DOCK11: variants seen among roughly 807,000 people sequenced by gnomAD.
DOCK11 encodes dedicator of cytokinesis 11.
Under a neutral mutation model 169.1 loss-of-function variants are expected in DOCK11, and 70 were observed. That is an observed-to-expected ratio of 0.41 (90% CI 0.34 to 0.51). The LOEUF is 0.51. Among genes scored for constraint, DOCK11 ranks in the 20% least tolerant of loss-of-function variants. DOCK11 has a pLI of 0.10. For missense variants in DOCK11, 1,166 were observed against 1,538.8 expected, an observed-to-expected ratio of 0.76 and a Z score of 4.05; for synonymous variants, 529 against 541.3, an observed-to-expected ratio of 0.98 and a Z score of 0.32.
intron 44 of DOCK11, among the ~76,000 whole-genome samples, chrX:118,657,606 A>G (rs929508910): frequency 3.8e-4 from 42 of 111,993 alleles, no homozygotes; most frequent in African/African-American, 1.3e-3. Flanking sequence ...ACTTAGCTTC[A>G]GTGATCCAAA....
chrX:118,527,021 A>G (rs889113976), intron 1 of DOCK11, among the ~76,000 whole-genome samples: 2 of 112,236 alleles, frequency 1.8e-5, no homozygotes, highest in Admixed American at 9.4e-5. Context: ...AGGAGGCCAC[A>G]TAATCACTCC....
At chrX:118,563,937 A>G (rs563217776) in intron 7 of DOCK11, among the ~76,000 whole-genome samples, 2 of 111,662 alleles carry the variant, frequency 1.8e-5, no homozygotes, top group South Asian at 3.8e-4. Flanking sequence ...TTCTTGTCAC[A>G]TAACCAGGAA....
intron 12 of DOCK11, among the ~76,000 whole-genome samples, chrX:118,577,841 A>G (rs1255446265): frequency 8.9e-6 from 1 of 112,291 alleles, no homozygotes; most frequent in Non-Finnish European, 1.9e-5. Flanking sequence ...ACTTGAATTC[A>G]CTAGTGATGC....
At chrX:118,525,696 A>G (rs903870944) in intron 1 of DOCK11, among the ~76,000 whole-genome samples, 10 of 111,980 alleles carry the variant, frequency 8.9e-5, no homozygotes, top group Non-Finnish European at 1.9e-4. Context: ...TAAAATAGTT[A>G]AAATGGTAAA....
chrX:118,672,493 C>T (rs760080233), intron 46 of DOCK11, among the ~76,000 whole-genome samples: 10 of 112,791 alleles, frequency 8.9e-5, no homozygotes, highest in Non-Finnish European at 1.7e-4. Flanking sequence ...ACTGCAGTGG[C>T]GCTATCTCGG....
intron 44 of DOCK11, among the ~76,000 whole-genome samples, chrX:118,661,794 C>T (rs2016221453): frequency 8.9e-6 from 1 of 111,866 alleles, no homozygotes; most frequent in Non-Finnish European, 1.9e-5. Context: ...GTGGCCTTTA[C>T]ACCTCGACTG....
At chrX:118,639,138 T>G (rs776649002) in intron 37 of DOCK11, among the ~76,000 whole-genome samples, 1 of 112,150 alleles carries the variant, frequency 8.9e-6, no homozygotes, top group African/African-American at 3.2e-5. Context: ...TTCCCACTCT[T>G]GCCCTTCCTC....
chrX:118,644,447 G>A (rs936926811), intron 40 of DOCK11, among the ~76,000 whole-genome samples: 11 of 111,639 alleles, frequency 9.9e-5, no homozygotes, highest in Non-Finnish European at 1.5e-4. Context: ...ATTAATCTAT[G>A]GGAAGCCAAG....
intron 48 of DOCK11, among the ~76,000 whole-genome samples, chrX:118,677,804 T>C (rs2016645729): frequency 8.9e-6 from 1 of 112,511 alleles, no homozygotes; most frequent in Admixed American, 9.4e-5. Context: ...TGTTGTTTCG[T>C]TGAATTGAGA....
chrX:118,632,444 G>T (rs1474842048), intron 35 of DOCK11: 1 of 111,947 alleles, frequency 8.9e-6, no homozygotes, highest in African/African-American at 3.3e-5. Context: ...TGTCACATCT[G>T]TTTATCTTTT....
chrX:118,654,493 A>G, intron 42 of DOCK11, 109 bp from the exon 43 acceptor site: 1 of 697,890 alleles, frequency 1.4e-6, no homozygotes, highest in Non-Finnish European at 2.2e-6. Context: ...TGCAATACCA[A>G]GAACTGTAAC....
At chrX:118,584,142 A>G (rs953249653) in intron 14 of DOCK11, among the ~76,000 whole-genome samples, 1 of 111,920 alleles carries the variant, frequency 8.9e-6, no homozygotes, top group Non-Finnish European at 1.9e-5. Flanking sequence ...TCACGTAACC[A>G]CCACCCCAAC....
chrX:118,596,412 G>A (rs2014168543), intron 20 of DOCK11, among the ~76,000 whole-genome samples: 2 of 112,210 alleles, frequency 1.8e-5, no homozygotes, highest in South Asian at 7.3e-4. Context: ...ACACATAAAT[G>A]AAAACATTCT....
At chrX:118,665,584 T>C (rs2016320751) in intron 45 of DOCK11, among the ~76,000 whole-genome samples, 1 of 112,590 alleles carries the variant, frequency 8.9e-6, no homozygotes, top group Admixed American at 9.4e-5. Context: ...ATTAGTTTTC[T>C]GTATAAACAC....
intron 1 of DOCK11, among the ~76,000 whole-genome samples, chrX:118,521,346 T>C (rs757871727): frequency 8.9e-6 from 1 of 112,373 alleles, no homozygotes; most frequent in Non-Finnish European, 1.9e-5. Context: ...AAAGGGATAA[T>C]CCATGGTCAA....
At position 118,591,909 on chromosome X, in the gene DOCK11, T is replaced by A. The variant is rs1414845829; in HGVS notation, c.2140-1305T>A. Reference sequence around the variant, plus strand: ...TTGGTTTTTTGTCCTTGCAATAGTTTGCTGAGAATGATGGTTTCCAGCTTC... The same window carrying A: ...TTGGTTTTTTGTCCTTGCAATAGTTAGCTGAGAATGATGGTTTCCAGCTTC... On this transcript the variant is annotated intron_variant, in intron 19 of 52. Coordinates refer to ENST00000276202, the MANE Select transcript of DOCK11 (RefSeq NM_144658.4). 3.0e-5 allele frequency among the ~76,000 whole-genome samples: 3 copies of A among 100,554 alleles called. No individual in the cohort carries two copies. The East Asian group carries it at 1.0e-3, about 35-fold the overall frequency. The allele number at this position is 100,554 out of a possible 115,157, so 87.3% of individuals were successfully genotyped here.
intron 22 of DOCK11, 34 bp downstream of exon 22, chrX:118,598,150 A>G: frequency 1.9e-6 from 2 of 1,056,756 alleles, no homozygotes. Context: ...GTCAATTTTT[A>G]TACTTGAGTT....
At chrX:118,647,636 AATATATTATATGTTT>A (rs2015734501) in intron 40 of DOCK11, among the ~76,000 whole-genome samples, 2 of 61,843 alleles carry the variant, frequency 3.2e-5, no homozygotes, top group Non-Finnish European at 5.4e-5. Flanking sequence ...ATTATATGTT[AATATATTATATGTTT>A]ATATATTATA....
rs745627350 is a variant in DOCK11 at position 118,636,366 on chromosome X, A to T, written c.3907A>T (p.Asn1303Tyr). 3 of 1,102,589 alleles carry T rather than the reference A, an allele frequency of 2.7e-6. No individual in the cohort carries two copies. 90.9% of individuals were successfully genotyped at this position (1,102,589 alleles called of 1,213,427 possible). A position where few individuals can be genotyped will look rare whatever the true frequency, so the allele number is the denominator to read the frequency against. ...ISEDTLLTYW[N>Y]KVSPQELINI... ...TTCAGATACTCTCTTAACTTACTGG[A>T]ATAAAGTATCACCTCAGGAGCTCAT... is the stretch of plus-strand genomic sequence containing the variant. The change falls in exon 36 of 53, where the codon AAT becomes TAT. Residue 1303 changes from asparagine (N) to tyrosine (Y), a missense_variant. Asn to Tyr is a moderately radical substitution (Grantham distance 143, BLOSUM62 -2). Transcript: ENST00000276202.
Sources: allele counts gnomAD v4.1 joint callset (sites outside exome capture counted in the v4.1 genomes callset), GRCh38; gene constraint gnomAD v4.1.1; transcripts MANE v1.5; gene names NCBI Gene and HGNC (gene_info 2026-07-23, HGNC 2026-07-21).